EPB41: variants seen among roughly 807,000 people sequenced by gnomAD.
EPB41 encodes the protein protein 4.1.
Under a neutral mutation model 108.0 loss-of-function variants are expected in EPB41, and 65 were observed. That is an observed-to-expected ratio of 0.60 (90% CI 0.49 to 0.74). The LOEUF is 0.74. EPB41 is among the 30% of genes least tolerant of loss of function. The pLI, the probability that EPB41 is intolerant of heterozygous loss-of-function variation, is 0.00. For synonymous variants in EPB41, 336 were observed against 358.9 expected, an observed-to-expected ratio of 0.94 and a Z score of 0.72; for missense variants, 875 against 1,037.0, an observed-to-expected ratio of 0.84 and a Z score of 2.15.
intron 11 of EPB41, among the ~76,000 whole-genome samples, chr1:29,042,041 C>A (rs545345050): frequency 4.1e-4 from 62 of 152,168 alleles, no homozygotes; most frequent in Non-Finnish European, 8.1e-4. Flanking sequence ...CTACTATATT[C>A]TGGTTTGTAG....
At chr1:28,970,995 G>A (rs760816028) in intron 1 of EPB41, among the ~76,000 whole-genome samples, 5 of 149,436 alleles carry the variant, frequency 3.3e-5, no homozygotes, top group South Asian at 2.1e-4. Context: ...TTACAGGCGC[G>A]TGCCACTACG....
intron 1 of EPB41, among the ~76,000 whole-genome samples, chr1:28,974,290 G>A (rs2095553960): frequency 6.6e-6 from 1 of 152,186 alleles, no homozygotes; most frequent in Admixed American, 6.5e-5. Context: ...CCACTACTTA[G>A]CATAGGAATG....
At chr1:29,091,731 C>G (rs1183173261) in intron 16 of EPB41, among the ~76,000 whole-genome samples, 2 of 152,176 alleles carry the variant, frequency 1.3e-5, no homozygotes, top group African/African-American at 4.8e-5. Context: ...GATACATTTG[C>G]AGACAGAGAC....
chr1:28,965,875 A>G (rs1236219625), intron 1 of EPB41, among the ~76,000 whole-genome samples: 1 of 152,170 alleles, frequency 6.6e-6, no homozygotes, highest in Non-Finnish European at 1.5e-5. Flanking sequence ...CTGGCACACA[A>G]TAATTTAGCA....
At position 29,047,399 on chromosome 1, in the gene EPB41, G is replaced by A. The variant is rs1643585975; in HGVS notation, c.1637-5705G>A. ...TGAGTAGCTGGTACCACAAGTTCAC[G>A]CTACCGCGCCTGGCTAATTTTTTTT... On this transcript the variant is annotated intron_variant, in intron 11 of 20. Transcript: ENST00000343067. Among the ~76,000 whole-genome samples, 4 of 148,954 alleles carry A rather than the reference G, an allele frequency of 2.7e-5. No homozygotes were observed. In the South Asian group the frequency reaches 8.5e-4, roughly 32 times the overall value.
chr1:29,056,428 T>A (rs1350816200), intron 12 of EPB41, among the ~76,000 whole-genome samples: 2 of 152,162 alleles, frequency 1.3e-5, no homozygotes. Context: ...TAATGAGATA[T>A]ATTCTGCCAG....
intron 16 of EPB41, among the ~76,000 whole-genome samples, chr1:29,081,946 C>T (rs1287404704): frequency 2.6e-5 from 4 of 151,990 alleles, no homozygotes; most frequent in Admixed American, 6.6e-5. Context: ...TTCTCCAAAG[C>T]CATGTTTCTT....
intron 14 of EPB41, among the ~76,000 whole-genome samples, chr1:29,060,060 C>T (rs1440790158): frequency 3.3e-5 from 5 of 152,150 alleles, no homozygotes; most frequent in South Asian, 2.1e-4. Flanking sequence ...CATTTCTTCA[C>T]TCCATGATAC....
intron 1 of EPB41, among the ~76,000 whole-genome samples, chr1:28,927,884 G>A (rs1036990475): frequency 6.6e-6 from 1 of 152,166 alleles, no homozygotes; most frequent in Non-Finnish European, 1.5e-5. Context: ...TTTAGAAGGA[G>A]ATTCTGCACA....
Position 29,116,970 on chromosome 1 carries a change from A to G in EPB41, c.*158A>G, listed in dbSNP as rs1671123873. 1 of 152,244 alleles carries G rather than the reference A, an allele frequency of 6.6e-6. No homozygotes were observed. Among genetic ancestry groups the G allele is most frequent in the African/African-American group, 2.4e-5 (1 of 41,474 alleles). 9.4% of individuals were successfully genotyped at this position (152,244 alleles called of 1,614,324 possible). Reference sequence around the variant, plus strand: ...TCAGTTTCTATTGGGAGTTTATACCAAGAGATTCTTCTAGATCTCATTGAT... The same window carrying G: ...TCAGTTTCTATTGGGAGTTTATACCGAGAGATTCTTCTAGATCTCATTGAT... On this transcript the variant is annotated 3_prime_UTR_variant, in exon 21 of 21. Transcript: ENST00000343067.
rs893141801 is a variant in EPB41 at position 29,115,156 on chromosome 1, G to C, written c.2497-543G>C. 3.3e-5 allele frequency among the ~76,000 whole-genome samples: 5 copies of C among 152,166 alleles called. No homozygotes were observed. The highest frequency in any genetic ancestry group is 7.3e-5 in the Non-Finnish European group (5 of 68,034). ...ACCTGTCATCCCAGCACTTTGGGAG[G>C]CCAAGCCAGGTGGATCATTTGAGGT... On this transcript the variant is annotated intron_variant, in intron 19 of 20. Coordinates refer to ENST00000343067, the MANE Select transcript of EPB41 (RefSeq NM_001376013.1). The surrounding 1 kb of genome is among the most constrained non-coding windows in gnomAD (Gnocchi z 4.4).
At chr1:29,060,109 A>G (rs1043442519) in intron 14 of EPB41, among the ~76,000 whole-genome samples, 1 of 152,178 alleles carries the variant, frequency 6.6e-6, no homozygotes, top group Non-Finnish European at 1.5e-5. Context: ...ATTTTAAGGT[A>G]ACCCTCAAAC....
At chr1:29,104,422 A>C (rs1415109179) in intron 17 of EPB41, among the ~76,000 whole-genome samples, 2 of 152,010 alleles carry the variant, frequency 1.3e-5, no homozygotes, top group Non-Finnish European at 2.9e-5. Flanking sequence ...ATTTACATAC[A>C]GTGAAATGCA....
At chr1:29,005,316 G>A (rs180873742) in intron 4 of EPB41, among the ~76,000 whole-genome samples, 38 of 152,090 alleles carry the variant, frequency 2.5e-4, no homozygotes, top group Admixed American at 1.2e-3. Context: ...CACCAAAGGG[G>A]GAAATCTACC....
At position 29,119,040 on chromosome 1, in the gene EPB41, C is replaced by T. The variant is rs567449632; in HGVS notation, c.*2228C>T. The T allele has an allele frequency of 2.0e-5, 3 of 152,378 alleles. No homozygotes were observed. Among genetic ancestry groups the T allele is most frequent in the Non-Finnish European group, 2.9e-5 (2 of 68,042 alleles). The allele number at this position is 152,378 out of a possible 1,614,324, so 9.4% of individuals were successfully genotyped here. On this transcript the variant is annotated 3_prime_UTR_variant, in exon 21 of 21. Transcript: ENST00000343067. ...CGTGTGATCTAGAACAGTGTGGCAG[C>T]TTTCACAGCACAGGACCGTTCATCG...
intron 16 of EPB41, chr1:29,097,417 G>C: frequency 3.5e-6 from 1 of 285,590 alleles, no homozygotes; most frequent in Non-Finnish European, 6.8e-6. Context: ...ACTTAGTGGA[G>C]GAAATGTGGC....
rs141680585 is a variant in EPB41 at position 28,987,700 on chromosome 1, A to G, written c.263A>G (p.Lys88Arg). ...GLSRLFSSFL[K>R]RPKSQVSEEE... Reference sequence around the variant, plus strand: ...TCACGACTATTCTCCTCGTTTCTCAAAAGGCCCAAATCTCAGGTGTCCGAG... The same window carrying G: ...TCACGACTATTCTCCTCGTTTCTCAGAAGGCCCAAATCTCAGGTGTCCGAG... The change falls in exon 2 of 21, where the codon AAA becomes AGA. Residue 88 changes from lysine to arginine, a missense_variant. Lys to Arg is a conservative substitution (Grantham distance 26). This residue lies in a region of EPB41 where 353 missense variants were observed against 393.2 expected (regional missense o/e 0.90). Transcript: ENST00000343067. The G allele has an allele frequency of 2.1e-4, 344 of 1,614,204 alleles. No individual in the cohort carries two copies. In the African/African-American group the frequency reaches 4.2e-3, roughly 20 times the overall value.
chr1:28,968,730 G>A (rs1026249562), intron 1 of EPB41, among the ~76,000 whole-genome samples: 2 of 152,074 alleles, frequency 1.3e-5, no homozygotes, highest in African/African-American at 2.4e-5. Flanking sequence ...TTGGGAGGCC[G>A]AGACGGGTGG....
chr1:29,032,025 G>A (rs1315292906), intron 8 of EPB41: 1 of 151,602 alleles, frequency 6.6e-6, no homozygotes. Flanking sequence ...CTTGAGCCCA[G>A]GAGGTAGAGG....
Sources: gnomAD v4.1 joint callset for allele counts (sites outside exome capture counted in the v4.1 genomes callset) on GRCh38, gnomAD v4.1.1 for gene constraint, gnomAD v4.1.1 regional missense constraint, Gnocchi (gnomAD v3.1) non-coding constraint, MANE v1.5 for transcripts, NCBI Gene and HGNC (gene_info 2026-07-23, HGNC 2026-07-21) for gene names.